The following GABBR2 variants were observed in gnomAD, a reference collection of about 807,000 sequenced individuals.
The protein encoded by GABBR2 is gamma-aminobutyric acid type B receptor subunit 2.
GABBR2 carries 23 observed loss-of-function variants against 105.6 expected under a neutral mutation model. That is an observed-to-expected ratio of 0.22 (90% CI 0.16 to 0.31). The LOEUF (loss-of-function observed/expected upper bound fraction) is 0.31. Ranked by LOEUF, GABBR2 falls within the 10% of genes least tolerant of loss-of-function variation. The pLI is 1.00. For missense variants in GABBR2, 734 were observed against 1,245.5 expected, an observed-to-expected ratio of 0.59 and a Z score of 6.18; for synonymous variants, 478 against 499.7, an observed-to-expected ratio of 0.96 and a Z score of 0.58.
At chr9:98,499,699 T>C (rs1827362971) in intron 3 of GABBR2, among the ~76,000 whole-genome samples, 1 of 152,254 alleles carries the variant, frequency 6.6e-6, no homozygotes, top group Admixed American at 6.5e-5. Context: ...ATGGAAGATT[T>C]ACTAAGAAAA....
intron 1 of GABBR2, among the ~76,000 whole-genome samples, chr9:98,668,190 A>G (rs1326666415): frequency 2.0e-5 from 3 of 152,150 alleles, no homozygotes; most frequent in Non-Finnish European, 4.4e-5. Context: ...TACACTCCCC[A>G]ATAAAACTTT....
At chr9:98,319,846 C>A (rs1830788042) in intron 13 of GABBR2, among the ~76,000 whole-genome samples, 1 of 152,186 alleles carries the variant, frequency 6.6e-6, no homozygotes, top group South Asian at 2.1e-4. Context: ...GCCTGCTCCT[C>A]CTCACCTTCA....
intron 1 of GABBR2, among the ~76,000 whole-genome samples, chr9:98,678,943 G>A (rs1830507535): frequency 1.3e-5 from 2 of 152,154 alleles, no homozygotes; most frequent in South Asian, 4.1e-4. Context: ...ATTCTGAAAT[G>A]CAAATCATTT....
rs1832482664 is a variant in GABBR2 at position 98,405,975 on chromosome 9, T to A, written c.1297+106A>T. The A allele has an allele frequency of 1.5e-5, 11 of 725,906 alleles. No individual in the cohort carries two copies. The South Asian group carries it at 1.7e-4, about 11-fold the overall frequency. 45.0% of individuals were successfully genotyped at this position (725,906 alleles called of 1,614,324 possible). ...TTTCAATTGGCTCTGCTTTCTTTTA[T>A]CTGGAACATCACACTTGCATTCCTT... On this transcript the variant is annotated intron_variant, in intron 8 of 18. Coordinates refer to ENST00000259455, the MANE Select transcript of GABBR2 (RefSeq NM_005458.8).
intron 3 of GABBR2, among the ~76,000 whole-genome samples, chr9:98,501,132 C>CA (rs1183811917): frequency 6.9e-6 from 1 of 145,208 alleles, no homozygotes; most frequent in Admixed American, 7.0e-5. Context: ...ACTGCCCCCC[C>CA]CCCTTCCCCG....
chr9:98,447,695 G>A (rs964482431), intron 7 of GABBR2, among the ~76,000 whole-genome samples: 4 of 152,024 alleles, frequency 2.6e-5, no homozygotes, highest in African/African-American at 4.8e-5. Context: ...CCCCTGGAAC[G>A]AGGAACCTGT....
intron 3 of GABBR2, among the ~76,000 whole-genome samples, chr9:98,517,379 C>T (rs1427508001): frequency 2.0e-5 from 3 of 152,140 alleles, no homozygotes; most frequent in Admixed American, 6.5e-5. Flanking sequence ...AAGAGAGTCC[C>T]TCTCCTGGCG....
intron 4 of GABBR2, chr9:98,496,030 G>A (rs554439034): frequency 8.0e-5 from 17 of 211,868 alleles, no homozygotes; most frequent in African/African-American, 3.6e-4. Context: ...TAGGGGTCAG[G>A]AGCCTGGGCT....
At chr9:98,575,119 G>C (rs1264165284) in intron 2 of GABBR2, among the ~76,000 whole-genome samples, 2 of 152,040 alleles carry the variant, frequency 1.3e-5, no homozygotes, top group Non-Finnish European at 2.9e-5. Flanking sequence ...CCCTAAGAGA[G>C]AGACAGGCAG....
chr9:98,639,606 A>G (rs1248380270), intron 1 of GABBR2, among the ~76,000 whole-genome samples: 1 of 152,028 alleles, frequency 6.6e-6, no homozygotes, highest in Admixed American at 6.5e-5. Context: ...AGACAAAAAA[A>G]AAAAAAATTC....
chr9:98,531,698 T>C (rs1354329267), intron 3 of GABBR2, among the ~76,000 whole-genome samples: 1 of 152,208 alleles, frequency 6.6e-6, no homozygotes, highest in Non-Finnish European at 1.5e-5. Context: ...AAAGAACAAG[T>C]GTTGCTTGAA....
chr9:98,611,784 A>T (rs535757884), intron 1 of GABBR2, among the ~76,000 whole-genome samples: 12 of 152,326 alleles, frequency 7.9e-5, no homozygotes, highest in Admixed American at 7.2e-4. Flanking sequence ...GTCACACTAC[A>T]TCTGTCTGCC....
intron 7 of GABBR2, among the ~76,000 whole-genome samples, chr9:98,423,274 T>C (rs1377056431): frequency 1.3e-5 from 2 of 152,200 alleles, no homozygotes; most frequent in African/African-American, 4.8e-5. Context: ...CCAGCACCTG[T>C]TGTCCTGACT....
At chr9:98,293,549 G>A (rs1830333654) in intron 18 of GABBR2, among the ~76,000 whole-genome samples, 1 of 152,220 alleles carries the variant, frequency 6.6e-6, no homozygotes, top group Non-Finnish European at 1.5e-5. Context: ...GGAAAGATGT[G>A]AGTTCAAGTC....
At chr9:98,609,655 G>A (rs1007228273) in intron 1 of GABBR2, among the ~76,000 whole-genome samples, 7 of 152,194 alleles carry the variant, frequency 4.6e-5, no homozygotes, top group Admixed American at 6.5e-5. Flanking sequence ...TGGTTCAGGG[G>A]AGATGGTGCT....
At chr9:98,413,694 T>C (rs1239064709) in intron 7 of GABBR2, among the ~76,000 whole-genome samples, 1 of 152,182 alleles carries the variant, frequency 6.6e-6, no homozygotes, top group Admixed American at 6.5e-5. Context: ...GGCATCTTTC[T>C]GAGGGACCAT....
At chr9:98,631,291 G>C (rs966777915) in intron 1 of GABBR2, among the ~76,000 whole-genome samples, 4 of 152,170 alleles carry the variant, frequency 2.6e-5, no homozygotes, top group African/African-American at 9.7e-5. Context: ...CTTCCTGCCA[G>C]TGTGACCCTG....
At chr9:98,484,644 A>G (rs917091569) in intron 4 of GABBR2, among the ~76,000 whole-genome samples, 1 of 152,148 alleles carries the variant, frequency 6.6e-6, no homozygotes, top group Non-Finnish European at 1.5e-5. Context: ...AAACTAGGGT[A>G]TGTGCATTCT....
At chr9:98,483,455 T>A (rs2131646635) in intron 4 of GABBR2, among the ~76,000 whole-genome samples, 1 of 152,296 alleles carries the variant, frequency 6.6e-6, no homozygotes, top group South Asian at 2.1e-4. Flanking sequence ...CATGGCTTCC[T>A]GAGGTTTGCA....
Sources: allele counts gnomAD v4.1 joint callset (sites outside exome capture counted in the v4.1 genomes callset), GRCh38; gene constraint gnomAD v4.1.1; transcripts MANE v1.5; gene names NCBI Gene and HGNC (gene_info 2026-07-23, HGNC 2026-07-21).